COL4A6: variants seen among roughly 807,000 people sequenced by gnomAD.
The protein encoded by COL4A6 is collagen alpha-6(IV) chain.
Under a neutral mutation model 126.7 loss-of-function variants are expected in COL4A6, and 59 were observed. The ratio of observed to expected loss-of-function variants is 0.47; its 90% CI spans 0.38 to 0.58. The LOEUF (loss-of-function observed/expected upper bound fraction) is 0.58. Ranked by LOEUF, COL4A6 falls within the 20% of genes least tolerant of loss-of-function variation. The pLI, the probability that COL4A6 is intolerant of heterozygous loss-of-function variation, is 0.00. For missense variants in COL4A6, 1,285 were observed against 1,337.3 expected (o/e 0.96, Z 0.61); for synonymous variants, 547 against 496.6 (o/e 1.10, Z -1.35).
chrX:108,343,412 T>C (rs112845524), intron 2 of COL4A6, among the ~76,000 whole-genome samples: 131 of 110,188 alleles, frequency 1.2e-3, no homozygotes, highest in African/African-American at 3.9e-3. Context: ...TATTTTTGGT[T>C]GGATGGAATG....
intron 16 of COL4A6, 50 bp from the exon 17 acceptor site, chrX:108,193,747 C>T (rs764042326): frequency 2.9e-6 from 3 of 1,045,785 alleles, no homozygotes; most frequent in Admixed American, 2.3e-5. Flanking sequence ...TCCTTATTAC[C>T]CAAGATCTAT....
In COL4A6 at chrX:108,163,055, G is replaced by T; in HGVS notation, c.4070-17C>A. On this transcript the variant is annotated splice_polypyrimidine_tract_variant and intron_variant, in intron 40 of 44. Transcript: ENST00000334504. Reference sequence around the variant, plus strand: ...CAGAAGAGCCTGTGGGCAGGTGGGGGAAATAAGAACATCAGGCTGAGGCAG... The same window carrying T: ...CAGAAGAGCCTGTGGGCAGGTGGGGTAAATAAGAACATCAGGCTGAGGCAG... 8.4e-7 allele frequency: 1 copy of T among 1,188,344 alleles called. No individual in the cohort carries two copies. The highest frequency in any genetic ancestry group is 1.1e-6 in the Non-Finnish European group (1 of 887,084).
intron 3 of COL4A6, among the ~76,000 whole-genome samples, chrX:108,298,550 G>A (rs1374327937): frequency 9.0e-6 from 1 of 111,652 alleles, no homozygotes; most frequent in African/African-American, 3.3e-5. Flanking sequence ...GTGTGGGAAC[G>A]GGTGCTGTTC....
intron 14 of COL4A6, among the ~76,000 whole-genome samples, chrX:108,195,349 G>T (rs2035181027): frequency 9.2e-6 from 1 of 108,642 alleles, no homozygotes; most frequent in African/African-American, 3.4e-5. Flanking sequence ...TCGGCTCACT[G>T]CAACCTCCGC....
At chrX:108,435,090 C>T (rs1316063590) in intron 2 of COL4A6, among the ~76,000 whole-genome samples, 2 of 111,198 alleles carry the variant, frequency 1.8e-5, no homozygotes, top group Non-Finnish European at 3.8e-5. Flanking sequence ...TCAATCAGAC[C>T]TTGATTTGAG....
intron 3 of COL4A6, among the ~76,000 whole-genome samples, chrX:108,239,403 A>C (rs1036193783): frequency 1.8e-5 from 2 of 112,146 alleles, no homozygotes; most frequent in Non-Finnish European, 3.8e-5. Context: ...TCTCCAGATA[A>C]CAGTGCTTTT....
At chrX:108,413,891 C>A (rs1791147849) in intron 2 of COL4A6, among the ~76,000 whole-genome samples, 1 of 111,902 alleles carries the variant, frequency 8.9e-6, no homozygotes, top group African/African-American at 3.3e-5. Context: ...CTTTTCAGAA[C>A]CATAACATCC....
intron 3 of COL4A6, among the ~76,000 whole-genome samples, chrX:108,235,381 C>T: frequency 9.0e-6 from 1 of 111,515 alleles, no homozygotes. Flanking sequence ...GTACTTGAGC[C>T]TGTTCTGTCA....
chrX:108,320,937 C>T (rs79456145), intron 2 of COL4A6, among the ~76,000 whole-genome samples: 15 of 111,799 alleles, frequency 1.3e-4, no homozygotes, highest in Non-Finnish European at 2.6e-4. Flanking sequence ...TATATCTTCA[C>T]CTACCCTCCT....
chrX:108,192,351 A>G, intron 18 of COL4A6, 122 bp downstream of exon 18: 1 of 467,811 alleles, frequency 2.1e-6, no homozygotes, highest in South Asian at 4.1e-5. Context: ...TACTGACTAC[A>G]GTCTACCTCT....
At chrX:108,425,697 G>T (rs949869319) in intron 2 of COL4A6, among the ~76,000 whole-genome samples, 2 of 107,393 alleles carry the variant, frequency 1.9e-5, no homozygotes, top group African/African-American at 3.4e-5. Flanking sequence ...TCGCACCACT[G>T]CACTCCAGCC....
intron 32 of COL4A6, among the ~76,000 whole-genome samples, chrX:108,172,113 G>A (rs966424154): frequency 1.8e-5 from 2 of 111,636 alleles, no homozygotes; most frequent in African/African-American, 6.5e-5. Context: ...AGCACTTTGG[G>A]AGGCTGAGGT....
rs1205397243 is a variant in COL4A6 at position 108,383,335 on chromosome X, A to G, written c.63+54607T>C. ...AGGGTCAACCCATCAGAAAGACATA[A>G]CAATTACACACATATATGCATCTAG... On this transcript the variant is annotated intron_variant, in intron 2 of 44. Coordinates refer to ENST00000334504, the MANE Select transcript of COL4A6 (RefSeq NM_033641.4). The G allele has an allele frequency of 1.1e-5, 3 of 262,081 alleles. No homozygotes were observed. The East Asian group carries it at 2.6e-4, about 22-fold the overall frequency. 21.6% of individuals were successfully genotyped at this position (262,081 alleles called of 1,213,427 possible). A position where few individuals can be genotyped will look rare whatever the true frequency, so the allele number is the denominator to read the frequency against.
chrX:108,279,669 C>A (rs1404782380), intron 3 of COL4A6, among the ~76,000 whole-genome samples: 1 of 111,784 alleles, frequency 8.9e-6, no homozygotes, highest in Non-Finnish European at 1.9e-5. Flanking sequence ...GAATTCTCCA[C>A]CCCAAATCAA....
Position 108,161,599 on chromosome X carries a change from C to CAAAA in COL4A6, c.4333+19_4333+20insTTTT. 1.1e-6 allele frequency: 1 copy of CAAAA among 887,948 alleles called. No individual in the cohort carries two copies. Among genetic ancestry groups the CAAAA allele is most frequent in the Non-Finnish European group, 1.6e-6 (1 of 642,131 alleles). The allele number at this position is 887,948 out of a possible 1,213,427, so 73.2% of individuals were successfully genotyped here. A position where few individuals can be genotyped will look rare whatever the true frequency, so the allele number is the denominator to read the frequency against. ...CCACCATCCCCGCCCCGCCCGCCTC[C>CAAAA]TAATGTGGCATCATCAGACCTTCAA... On this transcript the variant is annotated intron_variant, in intron 42 of 44. Coordinates refer to ENST00000334504, the MANE Select transcript of COL4A6 (RefSeq NM_033641.4).
intron 27 of COL4A6, among the ~76,000 whole-genome samples, chrX:108,177,912 C>A (rs1478367780): frequency 9.0e-6 from 1 of 111,577 alleles, no homozygotes; most frequent in African/African-American, 3.3e-5. Flanking sequence ...GCCTTGTAAG[C>A]AAGGCCATGT....
Position 108,235,395 on chromosome X carries a change from C to A in COL4A6, c.145-14021G>T, listed in dbSNP as rs181229147. 2.8e-3 allele frequency among the ~76,000 whole-genome samples: 313 copies of A among 111,459 alleles called. 2 individuals are homozygous for A. The highest frequency in any genetic ancestry group is 9.6e-3 in the African/African-American group (293 of 30,644). ...AGTACTTGAGCCTGTTCTGTCAAGA[C>A]AAATCTGGAGTCAGAGAGAGCAACC... On this transcript the variant is annotated intron_variant, in intron 3 of 44. Coordinates refer to ENST00000334504, the MANE Select transcript of COL4A6 (RefSeq NM_033641.4).
At chrX:108,237,572 C>G (rs1199288102) in intron 3 of COL4A6, among the ~76,000 whole-genome samples, 1 of 112,052 alleles carries the variant, frequency 8.9e-6, no homozygotes, top group Non-Finnish European at 1.9e-5. Flanking sequence ...ACAGACTTCT[C>G]AGATTTCCCT....
At position 108,368,650 on chromosome X, in the gene COL4A6, T is replaced by C. The variant is rs372416275; in HGVS notation, c.64-57822A>G. 2.2e-4 allele frequency among the ~76,000 whole-genome samples: 25 copies of C among 112,452 alleles called. No homozygotes were observed. In the Middle Eastern group the frequency reaches 0.014, roughly 62 times the overall value. On this transcript the variant is annotated intron_variant, in intron 2 of 44. Coordinates refer to ENST00000334504, the MANE Select transcript of COL4A6 (RefSeq NM_033641.4). ...TTTTAGACTTTTGAATATTTTATAGTAACACTTAGCTTAAAACACACACTG... is the reference window on the plus strand; with the variant it reads ...TTTTAGACTTTTGAATATTTTATAGCAACACTTAGCTTAAAACACACACTG...
Sources: allele counts gnomAD v4.1 joint callset (sites outside exome capture counted in the v4.1 genomes callset), GRCh38; gene constraint gnomAD v4.1.1; transcripts MANE v1.5; gene names NCBI Gene and HGNC (gene_info 2026-07-23, HGNC 2026-07-21).